Variants in BLOC1S6 observed in about 807,000 individuals in gnomAD.
BLOC1S6 encodes biogenesis of lysosomal organelles complex 1 subunit 6, also known as biogenesis of lysosome-related organelles complex 1 subunit 6.
BLOC1S6 carries 24 observed loss-of-function variants against 24.7 expected under a neutral mutation model. The observed-to-expected ratio is 0.97, with a 90% CI of 0.70 to 1.37. BLOC1S6 has a LOEUF of 1.37. Ranked by LOEUF, BLOC1S6 falls within the 40% of genes most tolerant of loss-of-function variation. The pLI is 0.00. For synonymous variants in BLOC1S6, 76 were observed against 72.6 expected, an observed-to-expected ratio of 1.05 and a Z score of -0.23; for missense variants, 175 against 196.2, an observed-to-expected ratio of 0.89 and a Z score of 0.64.
chr15:45,603,676 CTG>C (rs1217958409), intron 3 of BLOC1S6, among the ~76,000 whole-genome samples: 1 of 152,138 alleles, frequency 6.6e-6, no homozygotes. Context: ...GATTGTGCCA[CTG>C]TACTCCAGCC....
chr15:45,603,683 C>T (rs948120397), intron 3 of BLOC1S6, among the ~76,000 whole-genome samples: 4 of 152,138 alleles, frequency 2.6e-5, no homozygotes, highest in African/African-American at 9.7e-5. Flanking sequence ...CCACTGTACT[C>T]CAGCCTGGGT....
intron 2 of BLOC1S6, chr15:45,601,231 T>C (rs568680734): frequency 3.2e-5 from 5 of 154,530 alleles, no homozygotes; most frequent in Non-Finnish European, 5.9e-5. Context: ...TGTGATGATA[T>C]AGCACAGCTG....
rs931005881 is a variant in BLOC1S6 at position 45,608,024 on chromosome 15, A to G, written c.*1510A>G. On this transcript the variant is annotated 3_prime_UTR_variant, in exon 5 of 5. Coordinates refer to ENST00000220531, the MANE Select transcript of BLOC1S6 (RefSeq NM_012388.4). ...GTTTTACAGTATTATTTAATATCCA[A>G]CTGGTCTCCAATCTCCATTACATAG... The G allele has an allele frequency of 6.6e-6, 1 of 152,628 alleles. No individual in the cohort carries two copies. The highest frequency in any genetic ancestry group is 1.5e-5 in the Non-Finnish European group (1 of 68,036). The allele number at this position is 152,628 out of a possible 1,614,324, so 9.5% of individuals were successfully genotyped here. A position where few individuals can be genotyped will look rare whatever the true frequency, so the allele number is the denominator to read the frequency against.
chr15:45,599,970 G>A (rs62025223), intron 2 of BLOC1S6, among the ~76,000 whole-genome samples: 3,819 of 150,522 alleles, frequency 0.025, 60 homozygotes, highest in Middle Eastern at 0.048. Flanking sequence ...AGAAAATATG[G>A]CACATATACA....
chr15:45,599,569 C>CA (rs1894195220), intron 2 of BLOC1S6: 3 of 114,008 alleles, frequency 2.6e-5, no homozygotes, highest in Middle Eastern at 3.9e-3. Context: ...AGCCAAAAAA[C>CA]ACATGAAAAA....
intron 4 of BLOC1S6, 128 bp from the exon 5 acceptor site, chr15:45,606,267 A>G (rs1193208916): frequency 1.5e-6 from 2 of 1,331,678 alleles, no homozygotes; most frequent in Non-Finnish European, 2.1e-6. Flanking sequence ...TCCCAAATTT[A>G]AATGTCCAAG....
chr15:45,587,405 A>G lies in BLOC1S6; in HGVS notation c.-39A>G. 6.5e-7 allele frequency: 1 copy of G among 1,538,050 alleles called. No individual in the cohort carries two copies. On this transcript the variant is annotated 5_prime_UTR_variant, in exon 1 of 5. Transcript: ENST00000220531. ...GGTGCCGCCTTGCTTCTGACGAGCC[A>G]CACGTTTGCTTCTTCCCTGTGTTCC...
chr15:45,595,807 A>T (rs1353441243), intron 2 of BLOC1S6, among the ~76,000 whole-genome samples: 1 of 151,996 alleles, frequency 6.6e-6, no homozygotes, highest in African/African-American at 2.4e-5. Context: ...TTTTGAGTTA[A>T]TTTTGTTTGT....
At chr15:45,592,435 A>C (rs1168434445) in intron 2 of BLOC1S6, among the ~76,000 whole-genome samples, 159 bp downstream of exon 2, 5 of 152,228 alleles carry the variant, frequency 3.3e-5, no homozygotes, top group Non-Finnish European at 7.3e-5. Context: ...AGAGGAGTAC[A>C]TAGTATTCTA....
Position 45,606,507 on chromosome 15 carries a change from G to A in BLOC1S6, c.512G>A (p.Arg171Lys), listed in dbSNP as rs1435402775. The change falls in exon 5 of 5, where the codon AGG becomes AAG. Residue 171 changes from arginine to lysine, a missense_variant. By Grantham distance (26) the Arg-to-Lys change is conservative. Transcript: ENST00000220531. ...CAGTTAACTGCCAGACCAGCCAAAA[G>A]GATGTGAAAAGTTGTGTTTGTGTGT... ...EKQLTARPAK[R>K]M 3 of 1,614,038 alleles carry A rather than the reference G, an allele frequency of 1.9e-6. No individual in the cohort carries two copies. Among genetic ancestry groups the A allele is most frequent in the Non-Finnish European group, 2.5e-6 (3 of 1,180,038 alleles).
chr15:45,593,749 G>A (rs947001201), intron 2 of BLOC1S6, among the ~76,000 whole-genome samples: 1 of 152,026 alleles, frequency 6.6e-6, no homozygotes, highest in Non-Finnish European at 1.5e-5. Flanking sequence ...TTATTTTGAC[G>A]ATGATAGTAA....
intron 1 of BLOC1S6, among the ~76,000 whole-genome samples, chr15:45,589,177 A>G (rs575902022): frequency 6.6e-6 from 1 of 152,350 alleles, no homozygotes; most frequent in East Asian, 1.9e-4. Context: ...TGCTAAAAAT[A>G]ATGTAGTAGA....
intron 1 of BLOC1S6, 50 bp downstream of exon 1, chr15:45,587,575 G>T: frequency 6.6e-7 from 1 of 1,505,502 alleles, no homozygotes; most frequent in Non-Finnish European, 9.0e-7. Flanking sequence ...GTGAGGGGCG[G>T]GGACCTGAGT....
intron 3 of BLOC1S6, among the ~76,000 whole-genome samples, chr15:45,605,072 G>A (rs191759115): frequency 1.3e-5 from 2 of 152,306 alleles, no homozygotes; most frequent in Admixed American, 1.3e-4. Flanking sequence ...CTCTTGTAAA[G>A]GCAGAGAGAA....
chr15:45,600,781 T>TAG (rs1595557913), intron 2 of BLOC1S6, among the ~76,000 whole-genome samples: 1 of 152,334 alleles, frequency 6.6e-6, no homozygotes, highest in South Asian at 2.1e-4. Context: ...TTGTAATATC[T>TAG]TTATCTGGTT....
chr15:45,587,399 C>T lies in BLOC1S6; in HGVS notation c.-45C>T, dbSNP rs765434512. On this transcript the variant is annotated 5_prime_UTR_variant, in exon 1 of 5. In the 5' UTR this introduces an upstream ATG that the reference lacks. Transcript: ENST00000220531. ...TCGTTAGGTGCCGCCTTGCTTCTGA[C>T]GAGCCACACGTTTGCTTCTTCCCTG... is the stretch of plus-strand genomic sequence containing the variant. 3.9e-6 allele frequency: 6 copies of T among 1,523,182 alleles called. No homozygotes were observed. In the African/African-American group the frequency reaches 6.9e-5, roughly 17 times the overall value. 94.4% of individuals were successfully genotyped at this position (1,523,182 alleles called of 1,614,324 possible).
chr15:45,606,859 ACT>A lies in BLOC1S6; in HGVS notation c.*349_*350del. The A allele has an allele frequency of 4.0e-6, 1 of 247,778 alleles. No homozygotes were observed. The highest frequency in any genetic ancestry group is 6.4e-5 in the South Asian group (1 of 15,608). The allele number at this position is 247,778 out of a possible 1,614,324, so 15.3% of individuals were successfully genotyped here. On this transcript the variant is annotated 3_prime_UTR_variant, in exon 5 of 5. Transcript: ENST00000220531. Reference sequence around the variant, plus strand: ...GCTTCTTAATGAATATGGATTTAAAACTCTCCAGTTCTTATTTTATGAAATGA... The same window carrying A: ...GCTTCTTAATGAATATGGATTTAAAACTCCAGTTCTTATTTTATGAAATGA...
In BLOC1S6 at chr15:45,606,548, C is replaced by A. The variant is rs1894471301; in HGVS notation, c.*34C>A. Reference sequence around the variant, plus strand: ...GTTTGTGTGTTTTCTTCTCCTGTCCCATATTTGGGTTATGATGACTCAAGT... The same window carrying A: ...GTTTGTGTGTTTTCTTCTCCTGTCCAATATTTGGGTTATGATGACTCAAGT... On this transcript the variant is annotated 3_prime_UTR_variant, in exon 5 of 5. Transcript: ENST00000220531. 2 of 1,613,866 alleles carry A rather than the reference C, an allele frequency of 1.2e-6. No individual in the cohort carries two copies. The highest frequency in any genetic ancestry group is 1.1e-5 in the South Asian group (1 of 91,076).
chr15:45,590,069 T>C (rs533749418), intron 1 of BLOC1S6, among the ~76,000 whole-genome samples: 1 of 152,198 alleles, frequency 6.6e-6, no homozygotes, highest in Non-Finnish European at 1.5e-5. Flanking sequence ...AGTTGCTGAT[T>C]GCATTGTTAT....
Sources: gnomAD v4.1 joint callset for allele counts (sites outside exome capture counted in the v4.1 genomes callset) on GRCh38, gnomAD v4.1.1 for gene constraint, MANE v1.5 for transcripts, NCBI Gene and HGNC (gene_info 2026-07-23, HGNC 2026-07-21) for gene names.